Variants in CCDC138 observed in about 807,000 individuals in gnomAD.
CCDC138 encodes the protein coiled-coil domain-containing protein 138.
In CCDC138, 66 loss-of-function variants were observed where a neutral mutation model predicts 82.3. The observed-to-expected ratio is 0.80, with a 90% CI of 0.66 to 0.98. CCDC138 has a LOEUF of 0.98. Ranked by LOEUF, CCDC138 falls within the 50% of genes least tolerant of loss-of-function variation. The probability of loss-of-function intolerance (pLI) is 0.00; values close to 1 mark genes in which losing one functional copy is unlikely to be tolerated. For synonymous variants in CCDC138, 297 were observed against 265.4 expected (o/e 1.12, Z -1.16); for missense variants, 816 against 758.9 (o/e 1.08, Z -0.88).
At chr2:108,852,900 TA>T (rs1238990930) in intron 12 of CCDC138, among the ~76,000 whole-genome samples, 1 of 151,868 alleles carries the variant, frequency 6.6e-6, no homozygotes, top group Non-Finnish European at 1.5e-5. Context: ...TAAAATAAAA[TA>T]AAAAAACCCA....
intron 4 of CCDC138, among the ~76,000 whole-genome samples, chr2:108,792,827 G>A (rs1680121398): frequency 6.6e-6 from 1 of 152,180 alleles, no homozygotes; most frequent in South Asian, 2.1e-4. Flanking sequence ...CACTTTGGGA[G>A]GCCGAGGCGG....
At chr2:108,836,110 A>C (rs10865022) in intron 10 of CCDC138, among the ~76,000 whole-genome samples, 5 of 152,062 alleles carry the variant, frequency 3.3e-5, no homozygotes, top group Non-Finnish European at 7.4e-5. Flanking sequence ...TTTCCAACAC[A>C]TAAATTTTGA....
intron 7 of CCDC138, among the ~76,000 whole-genome samples, chr2:108,808,847 C>A (rs1337621200): frequency 6.6e-6 from 1 of 151,918 alleles, no homozygotes; most frequent in Non-Finnish European, 1.5e-5. Flanking sequence ...TCTGTTTTTG[C>A]TTTTGTTGCT....
At chr2:108,845,087 A>G (rs923839562) in intron 11 of CCDC138, among the ~76,000 whole-genome samples, 1 of 152,048 alleles carries the variant, frequency 6.6e-6, no homozygotes, top group African/African-American at 2.4e-5. Flanking sequence ...ATAAAAGTGT[A>G]GTAGTAAAGC....
chr2:108,811,247 C>CTCTCTTTTTTTTTTTTTTTTTT (rs760937756), intron 7 of CCDC138, among the ~76,000 whole-genome samples: 4 of 113,900 alleles, frequency 3.5e-5, no homozygotes, highest in African/African-American at 1.5e-4. Flanking sequence ...TTCTCTCTCT[C>CTCTCTTTTTTTTTTTTTTTTTT]TTTTTTTTTT....
intron 11 of CCDC138, 29 bp downstream of exon 11, chr2:108,839,330 A>T (rs1574157005): frequency 1.3e-6 from 2 of 1,569,200 alleles, no homozygotes; most frequent in Admixed American, 3.5e-5. Flanking sequence ...TTTATCTATA[A>T]GTAATACTCC....
intron 9 of CCDC138, among the ~76,000 whole-genome samples, chr2:108,815,051 T>TA (rs1196419689): frequency 7.2e-5 from 11 of 152,238 alleles, no homozygotes; most frequent in African/African-American, 2.7e-4. Flanking sequence ...TAATAATACT[T>TA]AGTCTAATTA....
intron 9 of CCDC138, 97 bp from the exon 10 acceptor site, chr2:108,815,844 A>T: frequency 2.0e-6 from 2 of 995,892 alleles, no homozygotes; most frequent in Non-Finnish European, 3.0e-6. Flanking sequence ...GAATTACTTT[A>T]GTCAAATTAT....
At chr2:108,864,041 G>A (rs1302580816) in intron 13 of CCDC138, among the ~76,000 whole-genome samples, 2 of 152,084 alleles carry the variant, frequency 1.3e-5, no homozygotes, top group Non-Finnish European at 2.9e-5. Flanking sequence ...TTTCTCATGT[G>A]TAACACTAGA....
Position 108,856,951 on chromosome 2 carries a change from C to T in CCDC138, c.1674C>T (p.Leu558=), listed in dbSNP as rs959677615. 8.3e-5 allele frequency: 133 copies of T among 1,601,084 alleles called. No homozygotes were observed. The highest frequency in any genetic ancestry group is 1.1e-4 in the Non-Finnish European group (133 of 1,174,936). Residue 558 remains leucine (L), a synonymous_variant, in exon 13 of 15, where the codon CTC becomes CTT. Coordinates refer to ENST00000295124, the MANE Select transcript of CCDC138 (RefSeq NM_144978.3). ...GLLSNVIDSL[L]QMTVESKSLQ... ...TGTCTAATGTTATTGATAGTTTGCT[C>T]CAGATGACGGTGGAATCTAGTAAGT...
intron 5 of CCDC138, 58 bp downstream of exon 5, chr2:108,794,779 A>G (rs1680577979): frequency 7.8e-7 from 1 of 1,287,252 alleles, no homozygotes; most frequent in South Asian, 1.4e-5. Flanking sequence ...AGAACCAAGC[A>G]TTTACGAAAT....
At chr2:108,787,951 A>G in intron 1 of CCDC138, 81 bp from the exon 2 acceptor site, 2 of 1,161,494 alleles carry the variant, frequency 1.7e-6, no homozygotes, top group Non-Finnish European at 2.4e-6. Context: ...TTTGTAATTA[A>G]TACATAATTT....
At chr2:108,867,058 A>G (rs1282316935) in intron 13 of CCDC138, among the ~76,000 whole-genome samples, 1 of 152,178 alleles carries the variant, frequency 6.6e-6, no homozygotes, top group African/African-American at 2.4e-5. Flanking sequence ...AATATTTATT[A>G]TGAAAAGATT....
At chr2:108,808,586 C>T (rs765897231) in intron 7 of CCDC138, among the ~76,000 whole-genome samples, 1 of 152,038 alleles carries the variant, frequency 6.6e-6, no homozygotes, top group African/African-American at 2.4e-5. Flanking sequence ...ATCATGGTTT[C>T]GATTTGCATT....
chr2:108,833,979 C>T (rs2150326543), intron 10 of CCDC138, among the ~76,000 whole-genome samples: 1 of 137,086 alleles, frequency 7.3e-6, no homozygotes, highest in Admixed American at 8.4e-5. Context: ...ATCTCCTGAT[C>T]TCATGATCCG....
chr2:108,865,386 CCATTT>C (rs1284353493), intron 13 of CCDC138, among the ~76,000 whole-genome samples: 1 of 152,154 alleles, frequency 6.6e-6, no homozygotes, highest in South Asian at 2.1e-4. Context: ...TGATATATCT[CCATTT>C]CATTAGGATC....
downstream of CCDC138, among the ~76,000 whole-genome samples, chr2:108,881,469 G>C (rs1346684939): frequency 6.6e-6 from 1 of 152,224 alleles, no homozygotes; most frequent in Non-Finnish European, 1.5e-5. Context: ...TATCATTTGT[G>C]TGTTGTCTGG....
intron 10 of CCDC138, among the ~76,000 whole-genome samples, chr2:108,831,985 G>A (rs150848322): frequency 0.029 from 4,412 of 151,800 alleles, 96 homozygotes; most frequent in South Asian, 0.046. Flanking sequence ...CACCCTCCTC[G>A]GCCTCCCGAA....
In CCDC138 at chr2:108,812,928, G is replaced by T; in HGVS notation, c.1041+1G>T. ...AGCACCAGTTTCAAAAACTTACAAG[G>T]TAAGTTTGAATTATGATTTGATATG... On this transcript the variant is annotated splice_donor_variant, in intron 9 of 14. Transcript: ENST00000295124. LOFTEE classifies it high-confidence loss of function. 1.2e-6 allele frequency: 2 copies of T among 1,612,974 alleles called. No individual in the cohort carries two copies. The highest frequency in any genetic ancestry group is 1.7e-6 in the Non-Finnish European group (2 of 1,179,402).
Sources: gnomAD v4.1 joint callset for allele counts (sites outside exome capture counted in the v4.1 genomes callset) on GRCh38, gnomAD v4.1.1 for gene constraint, MANE v1.5 for transcripts, NCBI Gene and HGNC (gene_info 2026-07-23, HGNC 2026-07-21) for gene names.